Variants in AKR1C8 observed in about 807,000 individuals in gnomAD.
AKR1C8 encodes the protein aldo-keto reductase family 1 member C8.
chr10:5,174,691 T>C, the AKR1C8 span, among the ~76,000 whole-genome samples: 2 of 152,042 alleles, frequency 1.3e-5, no homozygotes, highest in Non-Finnish European at 2.9e-5. Context: ...TTATGATATA[T>C]AATTGAGACT....
the AKR1C8 span, chr10:5,123,837 T>C: frequency 2.5e-6 from 4 of 1,602,206 alleles, no homozygotes; most frequent in African/African-American, 2.7e-5. Context: ...ATGACAAAGA[T>C]AGAAAAACAT....
the AKR1C8 span, among the ~76,000 whole-genome samples, chr10:5,126,216 T>C: frequency 6.6e-6 from 1 of 152,116 alleles, no homozygotes; most frequent in African/African-American, 2.4e-5. Context: ...CTAAAGAAGC[T>C]CTGCATGGGT....
At chr10:5,155,434 G>C in the AKR1C8 span, 2 of 230,256 alleles carry the variant, frequency 8.7e-6, no homozygotes, top group African/African-American at 2.3e-5. Context: ...CAGATAGTAA[G>C]GGCCTTCAAG....
chr10:5,170,082 C>G, the AKR1C8 span, among the ~76,000 whole-genome samples: 11 of 152,002 alleles, frequency 7.2e-5, no homozygotes, highest in Non-Finnish European at 1.5e-4. Context: ...GCAAAGGATT[C>G]TGGACACCCT....
At chr10:5,155,672 T>C in the AKR1C8 span, 2 of 469,048 alleles carry the variant, frequency 4.3e-6, no homozygotes, top group South Asian at 3.2e-5. Flanking sequence ...AAGCATCACT[T>C]ACAATTGTAA....
the AKR1C8 span, among the ~76,000 whole-genome samples, chr10:5,144,742 G>C: frequency 5.1e-4 from 78 of 152,214 alleles, no homozygotes; most frequent in Non-Finnish European, 1.2e-4. Flanking sequence ...CTTTGCTGAA[G>C]TTGCTTATCA....
the AKR1C8 span, among the ~76,000 whole-genome samples, chr10:5,143,317 C>T: frequency 2.0e-5 from 3 of 152,158 alleles, no homozygotes; most frequent in South Asian, 2.1e-4. Flanking sequence ...AACTTGTTCA[C>T]GAGTGCCTTC....
chr10:5,160,381 A>AG, the AKR1C8 span, among the ~76,000 whole-genome samples: 1 of 123,926 alleles, frequency 8.1e-6, no homozygotes, highest in Non-Finnish European at 1.9e-5. Flanking sequence ...CTAGAATGGG[A>AG]AAAAAAAATG....
the AKR1C8 span, chr10:5,157,786 C>G: frequency 2.1e-6 from 1 of 470,756 alleles, no homozygotes; most frequent in African/African-American, 2.0e-5. Flanking sequence ...GAGATGTGGG[C>G]AGTCGGGATC....
At chr10:5,155,488 G>A in the AKR1C8 span, 2 of 286,662 alleles carry the variant, frequency 7.0e-6, 1 homozygote, top group Middle Eastern at 2.5e-3. Flanking sequence ...TTCACTTACA[G>A]ACACATTTCT....
chr10:5,175,561 A>C, the AKR1C8 span, among the ~76,000 whole-genome samples: 1 of 152,186 alleles, frequency 6.6e-6, no homozygotes, highest in African/African-American at 2.4e-5. Flanking sequence ...ACTGACTTCC[A>C]CAATGTTTGA....
At chr10:5,180,265 C>T in the AKR1C8 span, among the ~76,000 whole-genome samples, 211 of 152,246 alleles carry the variant, frequency 1.4e-3, no homozygotes, top group Middle Eastern at 0.017. Context: ...TCTGGGTATC[C>T]GCAGCAGAGA....
At chr10:5,120,922 G>A in the AKR1C8 span, among the ~76,000 whole-genome samples, 2 of 152,034 alleles carry the variant, frequency 1.3e-5, no homozygotes, top group African/African-American at 4.8e-5. Context: ...GCAGCAAAAT[G>A]AGCATATATT....
the AKR1C8 span, among the ~76,000 whole-genome samples, chr10:5,156,557 G>C: frequency 4.2e-5 from 3 of 71,494 alleles, no homozygotes; most frequent in South Asian, 3.6e-4. Context: ...TCTATCTAAT[G>C]TATTTATCTC....
chr10:5,177,767 A>G, the AKR1C8 span, among the ~76,000 whole-genome samples: 1 of 152,150 alleles, frequency 6.6e-6, no homozygotes, highest in South Asian at 2.1e-4. Context: ...TTATTTGCAT[A>G]GAGGTGTTTG....
At chr10:5,160,111 T>A in the AKR1C8 span, 2 of 275,132 alleles carry the variant, frequency 7.3e-6, no homozygotes, top group South Asian at 5.7e-5. Flanking sequence ...ATATAAATAT[T>A]AGACTGAATT....
At chr10:5,148,055 C>T in the AKR1C8 span, among the ~76,000 whole-genome samples, 3 of 152,140 alleles carry the variant, frequency 2.0e-5, no homozygotes, top group South Asian at 2.1e-4. Context: ...TTTTTCTACT[C>T]AGCATTTCCT....
At chr10:5,140,737 G>A in the AKR1C8 span, among the ~76,000 whole-genome samples, 1 of 138,236 alleles carries the variant, frequency 7.2e-6, no homozygotes, top group Non-Finnish European at 1.5e-5. Flanking sequence ...CATGGCACAT[G>A]TACATATATG....
the AKR1C8 span, among the ~76,000 whole-genome samples, chr10:5,140,839 AAAG>A: frequency 3.4e-5 from 5 of 145,576 alleles, no homozygotes; most frequent in East Asian, 3.9e-4. Context: ...TAATTTAAAA[AAAG>A]AAAGAAAGAA....
Sources: allele counts gnomAD v4.1 joint callset (sites outside exome capture counted in the v4.1 genomes callset), GRCh38; gene constraint gnomAD v4.1.1; transcripts MANE v1.5; gene names NCBI Gene and HGNC (gene_info 2026-07-23, HGNC 2026-07-21).